The following FRYL variants were observed in gnomAD, a reference collection of about 807,000 sequenced individuals.
FRYL encodes FRY like transcription coactivator, also known as protein furry homolog-like.
A neutral mutation model predicts 351.2 loss-of-function variants in FRYL; 150 were observed. The observed-to-expected ratio is 0.43, with a 90% CI of 0.37 to 0.49. FRYL has a LOEUF of 0.49. FRYL is among the 20% of genes least tolerant of loss of function. The pLI is 0.00. For missense variants in FRYL, 3,036 were observed against 3,619.3 expected (o/e 0.84, Z 4.13); for synonymous variants, 1,153 against 1,257.1 (o/e 0.92, Z 1.75).
chr4:48,773,201 TTATC>T (rs1258080036), intron 1 of FRYL, among the ~76,000 whole-genome samples: 4 of 152,198 alleles, frequency 2.6e-5, no homozygotes, highest in African/African-American at 4.8e-5. Context: ...AGTCAACAGA[TTATC>T]TATCATTATT....
At chr4:48,598,535 A>T (rs1054609753) in intron 13 of FRYL, among the ~76,000 whole-genome samples, 1 of 152,214 alleles carries the variant, frequency 6.6e-6, no homozygotes, top group East Asian at 1.9e-4. Context: ...AAACATTTTC[A>T]TTTATAACAG....
intron 1 of FRYL, among the ~76,000 whole-genome samples, chr4:48,711,056 T>C (rs1444987816): frequency 6.6e-6 from 1 of 151,954 alleles, no homozygotes. Flanking sequence ...GGATGAATCC[T>C]AAAAAAAACA....
At chr4:48,590,869 C>CAA in intron 16 of FRYL, 39 bp from the exon 17 acceptor site, 1 of 1,466,356 alleles carries the variant, frequency 6.8e-7, no homozygotes, top group Non-Finnish European at 9.3e-7. Flanking sequence ...AGATGAGTAT[C>CAA]ATAAATTACC....
At chr4:48,716,080 A>C (rs914192037) in intron 1 of FRYL, among the ~76,000 whole-genome samples, 1 of 152,260 alleles carries the variant, frequency 6.6e-6, no homozygotes, top group South Asian at 2.1e-4. Flanking sequence ...ATATGTAAAA[A>C]GCAGAATCTG....
chr4:48,744,146 T>C (rs1197962861), intron 1 of FRYL, among the ~76,000 whole-genome samples: 7 of 151,774 alleles, frequency 4.6e-5, no homozygotes, highest in African/African-American at 1.2e-4. Flanking sequence ...TACGAATTAG[T>C]AGGGGAGGGG....
intron 1 of FRYL, among the ~76,000 whole-genome samples, chr4:48,719,371 T>C (rs1769213106): frequency 6.6e-6 from 1 of 151,630 alleles, no homozygotes; most frequent in African/African-American, 2.4e-5. Context: ...TAAAATCATT[T>C]TTAAAGTAGA....
intron 19 of FRYL, among the ~76,000 whole-genome samples, chr4:48,585,566 AG>A (rs1741933063): frequency 6.6e-6 from 1 of 152,242 alleles, no homozygotes; most frequent in Non-Finnish European, 1.5e-5. Flanking sequence ...CATCTAGGAC[AG>A]GGGCTGGCAA....
chr4:48,501,153 T>TA (rs1342308440), intron 62 of FRYL, among the ~76,000 whole-genome samples: 3 of 150,188 alleles, frequency 2.0e-5, no homozygotes, highest in Middle Eastern at 3.4e-3. Context: ...GGGTTGATGA[T>TA]ACAGTTTTAT....
rs11388062 is a variant in FRYL, at chr4:48,658,584, C to CAAA, written c.-80-24097_-80-24095dup. Among the ~76,000 whole-genome samples the CAAA allele has an allele frequency of 7.9e-3, 753 of 95,818 alleles. 11 individuals are homozygous for CAAA. Among genetic ancestry groups the CAAA allele is most frequent in the African/African-American group, 0.029 (694 of 24,190 alleles). The allele number at this position is 95,818 out of a possible 152,430, so 62.9% of individuals were successfully genotyped here. A position where few individuals can be genotyped will look rare whatever the true frequency, so the allele number is the denominator to read the frequency against. On this transcript the variant is annotated intron_variant, in intron 3 of 63. Coordinates refer to ENST00000358350, the MANE Select transcript of FRYL (RefSeq NM_015030.2). ...AAACCCTCATCTCTACAAAAAAATACAAAAAAAAAAAAAAAAAAAAATTGC... is the reference window on the plus strand; with the variant it reads ...AAACCCTCATCTCTACAAAAAAATACAAAAAAAAAAAAAAAAAAAAAAAATTGC...
chr4:48,528,766 A>G (rs781381878), intron 50 of FRYL, among the ~76,000 whole-genome samples: 36 of 152,198 alleles, frequency 2.4e-4, no homozygotes, highest in Non-Finnish European at 4.7e-4. Flanking sequence ...ATTGTCAAGT[A>G]TGCTTCAGCA....
At chr4:48,596,974 A>G (rs1452976665) in intron 13 of FRYL, among the ~76,000 whole-genome samples, 1 of 152,028 alleles carries the variant, frequency 6.6e-6, no homozygotes, top group Non-Finnish European at 1.5e-5. Flanking sequence ...GATTTGATAT[A>G]ATTAAAAATG....
At chr4:48,514,390 G>A (rs960034372) in intron 56 of FRYL, among the ~76,000 whole-genome samples, 2 of 151,914 alleles carry the variant, frequency 1.3e-5, no homozygotes, top group Admixed American at 6.6e-5. Flanking sequence ...TAAGAGTTTC[G>A]TAACAGCCAC....
chr4:48,510,809 T>C, intron 58 of FRYL, 26 bp downstream of exon 58: 2 of 1,582,090 alleles, frequency 1.3e-6, no homozygotes, highest in South Asian at 2.3e-5. Flanking sequence ...GTAGTCTTTA[T>C]AATAAACCTG....
At chr4:48,512,242 C>A (rs187569490) in intron 57 of FRYL, among the ~76,000 whole-genome samples, 1 of 152,032 alleles carries the variant, frequency 6.6e-6, no homozygotes, top group Non-Finnish European at 1.5e-5. Context: ...ACATATCAGA[C>A]GTTGTTTTGA....
intron 1 of FRYL, among the ~76,000 whole-genome samples, chr4:48,750,379 T>G (rs1439680322): frequency 6.6e-6 from 1 of 151,896 alleles, no homozygotes; most frequent in Non-Finnish European, 1.5e-5. Flanking sequence ...GAGCATTGCT[T>G]GAGCCTGGGA....
chr4:48,718,203 T>G (rs1769081164), intron 1 of FRYL, among the ~76,000 whole-genome samples: 1 of 151,632 alleles, frequency 6.6e-6, no homozygotes, highest in African/African-American at 2.4e-5. Flanking sequence ...TTACTATAAT[T>G]ACATAGTTTA....
chr4:48,660,366 C>A (rs1760446103), intron 3 of FRYL, among the ~76,000 whole-genome samples: 1 of 152,170 alleles, frequency 6.6e-6, no homozygotes, highest in Non-Finnish European at 1.5e-5. Flanking sequence ...TGGCTGGCAT[C>A]TGAGAAATTA....
In FRYL at chr4:48,634,467, T is replaced by C; in HGVS notation, c.-57A>G. 2 of 1,611,328 alleles carry C rather than the reference T, an allele frequency of 1.2e-6. No homozygotes were observed. Among genetic ancestry groups the C allele is most frequent in the Middle Eastern group, 3.3e-4 (2 of 6,040 alleles). On this transcript the variant is annotated 5_prime_UTR_variant, in exon 4 of 64. Coordinates refer to ENST00000358350, the MANE Select transcript of FRYL (RefSeq NM_015030.2). ...AAGTTGGAAGAAGCACAGTATTTAT[T>C]TACTTTGCTGACTGGCGCTGAAGCT...
chr4:48,510,167 CAG>C lies in FRYL; in HGVS notation c.8296-12_8296-11del. 1 of 1,596,752 alleles carries C rather than the reference CAG, an allele frequency of 6.3e-7. No homozygotes were observed. Among genetic ancestry groups the C allele is most frequent in the Non-Finnish European group, 8.6e-7 (1 of 1,164,316 alleles). ...AACCACATGACATCAGCTGTCAAAT[CAG>C]AAGTATTGATCCAGGTTACCATTTC... On this transcript the variant is annotated splice_polypyrimidine_tract_variant and intron_variant, in intron 58 of 63. Transcript: ENST00000358350.
Sources: allele counts gnomAD v4.1 joint callset (sites outside exome capture counted in the v4.1 genomes callset), GRCh38; gene constraint gnomAD v4.1.1; transcripts MANE v1.5; gene names NCBI Gene and HGNC (gene_info 2026-07-23, HGNC 2026-07-21).